The following SLC43A2 variants were observed in gnomAD, a reference collection of about 807,000 sequenced individuals.
SLC43A2 encodes the protein solute carrier family 43 member 2.
A neutral mutation model predicts 63.2 loss-of-function variants in SLC43A2; 38 were observed. The ratio of observed to expected loss-of-function variants is 0.60; its 90% CI spans 0.46 to 0.79. The LOEUF is 0.79. Ranked by LOEUF, SLC43A2 falls within the 30% of genes least tolerant of loss-of-function variation. The pLI is 0.00. For synonymous variants in SLC43A2, 322 were observed against 331.0 expected, an observed-to-expected ratio of 0.97 and a Z score of 0.30; for missense variants, 644 against 756.2, an observed-to-expected ratio of 0.85 and a Z score of 1.74.
intron 6 of SLC43A2, among the ~76,000 whole-genome samples, chr17:1,591,985 T>G (rs1904859703): frequency 6.6e-6 from 1 of 152,194 alleles, no homozygotes; most frequent in African/African-American, 2.4e-5. Context: ...TCTTGCAGGC[T>G]CATAGTGATC....
chr17:1,625,881 T>A (rs1908616587), intron 2 of SLC43A2, among the ~76,000 whole-genome samples: 1 of 152,018 alleles, frequency 6.6e-6, no homozygotes, highest in Non-Finnish European at 1.5e-5. Flanking sequence ...AGCACTGCGC[T>A]GGCACAATCT....
intron 13 of SLC43A2, 69 bp downstream of exon 13, chr17:1,576,528 G>A (rs1356131996): frequency 1.8e-5 from 27 of 1,527,906 alleles, no homozygotes; most frequent in Non-Finnish European, 2.1e-5. Context: ...CCCCGAGGGG[G>A]ACCTTGCAGC....
At chr17:1,608,358 G>C (rs1473683437) in intron 5 of SLC43A2, among the ~76,000 whole-genome samples, 1 of 151,988 alleles carries the variant, frequency 6.6e-6, no homozygotes, top group East Asian at 1.9e-4. Flanking sequence ...GGAGAGCAAA[G>C]AGTGAATAGA....
chr17:1,604,522 AC>A (rs893811006), intron 5 of SLC43A2: 6 of 589,140 alleles, frequency 1.0e-5, no homozygotes, highest in Non-Finnish European at 1.8e-5. Context: ...GGGGTCCCTC[AC>A]CCCCCGGAGG....
At chr17:1,616,491 C>T (rs1366058784) in intron 3 of SLC43A2, 71 bp downstream of exon 3, 2 of 1,441,020 alleles carry the variant, frequency 1.4e-6, no homozygotes, top group African/African-American at 2.8e-5. Flanking sequence ...GACCAGGATA[C>T]CCTTCTGTGG....
chr17:1,597,498 C>CAAAAAA (rs71148498), intron 5 of SLC43A2, among the ~76,000 whole-genome samples: 1 of 131,420 alleles, frequency 7.6e-6, no homozygotes. Flanking sequence ...GAGCAAGACT[C>CAAAAAA]AAAAAAAAAA....
intron 2 of SLC43A2, among the ~76,000 whole-genome samples, chr17:1,620,961 C>T (rs1908100698): frequency 6.6e-6 from 1 of 152,180 alleles, no homozygotes; most frequent in African/African-American, 2.4e-5. Context: ...CTCTGCTCCT[C>T]ACCTGCACCT....
chr17:1,596,203 C>T (rs144990623), intron 5 of SLC43A2, among the ~76,000 whole-genome samples: 136 of 152,070 alleles, frequency 8.9e-4, no homozygotes, highest in African/African-American at 3.2e-3. Flanking sequence ...GCCTGTAATC[C>T]CAGCTACTCG....
At position 1,593,174 on chromosome 17, in the gene SLC43A2, T is replaced by C; in HGVS notation, c.594+13A>G. 1 of 1,612,092 alleles carries C rather than the reference T, an allele frequency of 6.2e-7. No homozygotes were observed. Among genetic ancestry groups the C allele is most frequent in the Non-Finnish European group, 8.5e-7 (1 of 1,178,948 alleles). ...CCTCTGCACAGACACCAGTGCAAAA[T>C]ACACGTGCTCACCTTGATTCCTGGA... On this transcript the variant is annotated intron_variant, in intron 6 of 13. Transcript: ENST00000301335. This position sits in a 1 kb window ranked among gnomAD's most constrained non-coding sequence, Gnocchi z 5.3.
In SLC43A2 at chr17:1,578,218, C is replaced by T; in HGVS notation, c.1424+32G>A. On this transcript the variant is annotated intron_variant, in intron 12 of 13. Transcript: ENST00000301335. This position sits in a 1 kb window ranked among gnomAD's most constrained non-coding sequence, Gnocchi z 6.5. ...CCCCCGGCCATTCCCACACCCTCGC[C>T]CACCAGGCCACCTGCGGCTTCCAGG... 6.2e-7 allele frequency: 1 copy of T among 1,608,152 alleles called. No individual in the cohort carries two copies. The highest frequency in any genetic ancestry group is 8.5e-7 in the Non-Finnish European group (1 of 1,175,454).
intron 5 of SLC43A2, among the ~76,000 whole-genome samples, chr17:1,612,067 C>T (rs1907156789): frequency 6.6e-6 from 1 of 152,154 alleles, no homozygotes; most frequent in Non-Finnish European, 1.5e-5. Flanking sequence ...CAGGTTCCAG[C>T]AATTCTCCCG....
chr17:1,628,196 G>A (rs1343664284), intron 1 of SLC43A2: 1 of 246,140 alleles, frequency 4.1e-6, no homozygotes, highest in African/African-American at 2.3e-5. Flanking sequence ...ACTGAGGCAT[G>A]GAGGCAAGAA....
rs1175662286 is a variant in SLC43A2, at chr17:1,605,872, T to A, written c.501+7323A>T. Among the ~76,000 whole-genome samples, 1 of 151,796 alleles carries A rather than the reference T, an allele frequency of 6.6e-6. No individual in the cohort carries two copies. The highest frequency in any genetic ancestry group is 2.4e-5 in the African/African-American group (1 of 41,300). On this transcript the variant is annotated intron_variant, in intron 5 of 13. Coordinates refer to ENST00000301335, the MANE Select transcript of SLC43A2 (RefSeq NM_152346.3). This position sits in a 1 kb window ranked among gnomAD's most constrained non-coding sequence, Gnocchi z 4.9. ...TTCAGTGCTGAAGGGAGGGGAAGGG[T>A]GTGCTCCCCTCCCCCGGCCACCTCC...
In SLC43A2 at chr17:1,613,072, A is replaced by C. The variant is rs1221688663; in HGVS notation, c.501+123T>G. 8 of 852,158 alleles carry C rather than the reference A, an allele frequency of 9.4e-6. No individual in the cohort carries two copies. In the East Asian group the frequency reaches 2.1e-4, roughly 23 times the overall value. 52.8% of individuals were successfully genotyped at this position (852,158 alleles called of 1,614,324 possible). A position where few individuals can be genotyped will look rare whatever the true frequency, so the allele number is the denominator to read the frequency against. ...AGGCCACCTCGCCCATAGCCCCTCT[A>C]CTGTTTGGGACACCCAGGCACATGC... On this transcript the variant is annotated intron_variant, in intron 5 of 13. Transcript: ENST00000301335.
Position 1,583,501 on chromosome 17 carries a change from C to A in SLC43A2, c.1218-165G>T. 4.1e-6 allele frequency: 5 copies of A among 1,228,088 alleles called. No individual in the cohort carries two copies. The highest frequency in any genetic ancestry group is 5.5e-6 in the Non-Finnish European group (5 of 907,066). The allele number at this position is 1,228,088 out of a possible 1,614,324, so 76.1% of individuals were successfully genotyped here. A position where few individuals can be genotyped will look rare whatever the true frequency, so the allele number is the denominator to read the frequency against. On this transcript the variant is annotated intron_variant, in intron 10 of 13. Coordinates refer to ENST00000301335, the MANE Select transcript of SLC43A2 (RefSeq NM_152346.3). The surrounding 1 kb of genome is among the most constrained non-coding windows in gnomAD (Gnocchi z 5.5). The stretch of plus-strand genomic sequence containing the variant: ...GTCGGGGCTGGACCAGCACTACGGA[C>A]ACTCCCCGGCCCTTCTCAGTGGCAA...
In SLC43A2 at chr17:1,583,043, C is replaced by T. The variant is rs1266882523; in HGVS notation, c.1350+161G>A. Among the ~76,000 whole-genome samples the T allele has an allele frequency of 8.5e-5, 13 of 152,240 alleles. No individual in the cohort carries two copies. The highest frequency in any genetic ancestry group is 7.2e-4 in the Admixed American group (11 of 15,286). ...GCAGTGAGCCGAGATCACACCACTG[C>T]ACTCCAGCCTGAGCAACAGAGTTTG... On this transcript the variant is annotated intron_variant, in intron 11 of 13. Coordinates refer to ENST00000301335, the MANE Select transcript of SLC43A2 (RefSeq NM_152346.3). The surrounding 1 kb of genome is among the most constrained non-coding windows in gnomAD (Gnocchi z 5.5).
At position 1,618,379 on chromosome 17, in the gene SLC43A2, CT is replaced by C. The variant is rs145069984; in HGVS notation, c.161-1611del. 5.3e-3 allele frequency among the ~76,000 whole-genome samples: 812 copies of C among 152,302 alleles called. 9 individuals are homozygous for C. The highest frequency in any genetic ancestry group is 0.019 in the African/African-American group (797 of 41,562). ...GATCAATGAGAAAAATTCAGAAAAC[CT>C]TCTGGAGCTCACCCAGGCATAGAAA... On this transcript the variant is annotated intron_variant, in intron 2 of 13. Coordinates refer to ENST00000301335, the MANE Select transcript of SLC43A2 (RefSeq NM_152346.3).
chr17:1,628,130 G>A (rs1026057773), intron 1 of SLC43A2: 3 of 358,878 alleles, frequency 8.4e-6, no homozygotes, highest in Non-Finnish European at 1.4e-5. Flanking sequence ...CCTCCGCTAC[G>A]ACAGAGCCGC....
rs749702135 is a variant in SLC43A2, at chr17:1,593,219, C to T, written c.562G>A (p.Ala188Thr). 11 of 1,613,910 alleles carry T rather than the reference C, an allele frequency of 6.8e-6. No homozygotes were observed. Among genetic ancestry groups the T allele is most frequent in the African/African-American group, 5.3e-5 (4 of 74,918 alleles). Residue 188 changes from alanine (A) to threonine (T), a missense_variant, in exon 6 of 14, where the codon GCC (alanine) becomes ACC (threonine). This residue lies in a region of SLC43A2 where 528 missense variants were observed against 623.6 expected (regional missense o/e 0.85). Transcript: ENST00000301335. The surrounding 1 kb of genome is among the most constrained non-coding windows in gnomAD (Gnocchi z 5.3). ...TFIALMIGSY[A>T]SSAVTFPGIK... Reference sequence around the variant, plus strand: ...CCTGGAAAGGTGACTGCCGAGGAGGCGTAGGACCCAATCATCAAGGCAATA... The same window carrying T: ...CCTGGAAAGGTGACTGCCGAGGAGGTGTAGGACCCAATCATCAAGGCAATA...
Sources: allele counts gnomAD v4.1 joint callset (sites outside exome capture counted in the v4.1 genomes callset), GRCh38; gene constraint gnomAD v4.1.1; regional missense constraint gnomAD v4.1.1; non-coding constraint Gnocchi (gnomAD v3.1); transcripts MANE v1.5; gene names NCBI Gene and HGNC (gene_info 2026-07-23, HGNC 2026-07-21).